The following FAM241A variants were observed in gnomAD, a reference collection of about 807,000 sequenced individuals.
FAM241A encodes uncharacterized protein FAM241A.
Under a neutral mutation model 12.2 loss-of-function variants are expected in FAM241A, and 7 were observed. The observed-to-expected ratio is 0.58, with a 90% confidence interval of 0.33 to 1.08. The LOEUF (loss-of-function observed/expected upper bound fraction) is 1.08. FAM241A is among the 50% of genes least tolerant of loss of function. The pLI is 0.04. For missense variants in FAM241A, 161 were observed against 169.7 expected, an observed-to-expected ratio of 0.95 and a Z score of 0.29; for synonymous variants, 74 against 68.2, an observed-to-expected ratio of 1.08 and a Z score of -0.42.
intron 1 of FAM241A, among the ~76,000 whole-genome samples, chr4:112,165,568 C>A (rs1159284626): frequency 6.6e-6 from 1 of 152,174 alleles, no homozygotes; most frequent in Non-Finnish European, 1.5e-5. Flanking sequence ...GAGTACTATT[C>A]AGCCGTTAAA....
At chr4:112,171,181 T>A in intron 1 of FAM241A, 2 of 579,600 alleles carry the variant, frequency 3.5e-6, no homozygotes, top group Non-Finnish European at 6.3e-6. Context: ...TTATTATTTT[T>A]ACTTTCTTTC....
intron 1 of FAM241A, chr4:112,171,396 T>G (rs1297798668): frequency 1.3e-6 from 1 of 767,874 alleles, no homozygotes; most frequent in African/African-American, 1.7e-5. Context: ...GAAATAAAAC[T>G]ACAAAGATGA....
chr4:112,147,508 T>A (rs914715794), intron 1 of FAM241A, among the ~76,000 whole-genome samples: 1 of 152,216 alleles, frequency 6.6e-6, no homozygotes, highest in Non-Finnish European at 1.5e-5. Context: ...AAAACGTTTC[T>A]TGGTAATGTT....
intron 1 of FAM241A, among the ~76,000 whole-genome samples, chr4:112,173,755 G>A (rs1436291274): frequency 6.6e-6 from 1 of 152,080 alleles, no homozygotes; most frequent in Non-Finnish European, 1.5e-5. Flanking sequence ...CAGAGAACTA[G>A]CTACCTACCA....
At chr4:112,176,472 A>T (rs1423528859) in intron 1 of FAM241A, among the ~76,000 whole-genome samples, 1 of 152,232 alleles carries the variant, frequency 6.6e-6, no homozygotes, top group Non-Finnish European at 1.5e-5. Context: ...CACACAGCTG[A>T]TACATGACGG....
At chr4:112,156,522 A>G (rs1278972630) in intron 1 of FAM241A, among the ~76,000 whole-genome samples, 1 of 152,222 alleles carries the variant, frequency 6.6e-6, no homozygotes, top group African/African-American at 2.4e-5. Flanking sequence ...ATTACATTAT[A>G]TGGCAAATGT....
In FAM241A at chr4:112,186,635, G is replaced by T; in HGVS notation, c.154-58G>T. 3.3e-6 allele frequency: 5 copies of T among 1,504,196 alleles called. No homozygotes were observed. The South Asian group carries it at 6.3e-5, about 19-fold the overall frequency. The allele number at this position is 1,504,196 out of a possible 1,614,324, so 93.2% of individuals were successfully genotyped here. A position where few individuals can be genotyped will look rare whatever the true frequency, so the allele number is the denominator to read the frequency against. On this transcript the variant is annotated intron_variant, in intron 1 of 1. Transcript: ENST00000309733. ...AAGATGAAGAACTAAGGTTCTTAAA[G>T]ACGTTTACATATTTCTCATGTTATG... is the stretch of plus-strand genomic sequence containing the variant.
rs560122660 is a variant in FAM241A, at chr4:112,150,419, A to G, written c.153+4686A>G. On this transcript the variant is annotated intron_variant, in intron 1 of 1. Transcript: ENST00000309733. ...TACTAGTAGCTCTTAGACTTGATTC[A>G]TTTGCATCTTCTAGGTATATAATTA... is the stretch of plus-strand genomic sequence containing the variant. Among the ~76,000 whole-genome samples, 12 of 152,304 alleles carry G rather than the reference A, an allele frequency of 7.9e-5. No homozygotes were observed. The South Asian group carries it at 2.5e-3, about 32-fold the overall frequency.
In FAM241A at chr4:112,156,259, T is replaced by C. The variant is rs115962322; in HGVS notation, c.153+10526T>C. On this transcript the variant is annotated intron_variant, in intron 1 of 1. Coordinates refer to ENST00000309733, the MANE Select transcript of FAM241A (RefSeq NM_152400.3). ...ATCTCAGGTCATTTGCCTGGAACTC[T>C]TCCCCCAGATCTTCCCTTGGCAGAG... is the stretch of plus-strand genomic sequence containing the variant. 9.9e-3 allele frequency among the ~76,000 whole-genome samples: 1,511 copies of C among 152,240 alleles called. 12 individuals are homozygous for C. Among genetic ancestry groups the C allele is most frequent in the Non-Finnish European group, 0.016 (1,101 of 67,998 alleles).
intron 1 of FAM241A, among the ~76,000 whole-genome samples, chr4:112,164,377 C>T (rs994691611): frequency 5.3e-5 from 8 of 151,536 alleles, no homozygotes; most frequent in African/African-American, 1.5e-4. Flanking sequence ...CATGTTCTCA[C>T]TCATAGGTGG....
rs1450942619 is a variant in FAM241A at position 112,189,390 on chromosome 4, A to G, written c.*2452A>G. On this transcript the variant is annotated 3_prime_UTR_variant, in exon 2 of 2. Transcript: ENST00000309733. ...CATCTCAAAAAAAAAAAAAAAAAAA[A>G]AAAAATTGGATTGAAAATGATTCTC... 1 of 151,724 alleles carries G rather than the reference A, an allele frequency of 6.6e-6. No homozygotes were observed. The highest frequency in any genetic ancestry group is 1.5e-5 in the Non-Finnish European group (1 of 67,952). 9.4% of individuals were successfully genotyped at this position (151,724 alleles called of 1,614,324 possible). A position where few individuals can be genotyped will look rare whatever the true frequency, so the allele number is the denominator to read the frequency against.
rs1037430009 is a variant in FAM241A, at chr4:112,190,305, T to G, written c.*3367T>G. 1 of 152,164 alleles carries G rather than the reference T, an allele frequency of 6.6e-6. No individual in the cohort carries two copies. Among genetic ancestry groups the G allele is most frequent in the African/African-American group, 2.4e-5 (1 of 41,450 alleles). The allele number at this position is 152,164 out of a possible 1,614,324, so 9.4% of individuals were successfully genotyped here. A position where few individuals can be genotyped will look rare whatever the true frequency, so the allele number is the denominator to read the frequency against. ...GTTCATAGATTGTTTTAATAGTTATTTTACAAATGTTTATTAATTTCAGGT... is the reference window on the plus strand; with the variant it reads ...GTTCATAGATTGTTTTAATAGTTATGTTACAAATGTTTATTAATTTCAGGT... On this transcript the variant is annotated 3_prime_UTR_variant, in exon 2 of 2. Transcript: ENST00000309733.
chr4:112,160,907 A>G (rs1344929364), intron 1 of FAM241A, among the ~76,000 whole-genome samples: 1 of 152,224 alleles, frequency 6.6e-6, no homozygotes, highest in African/African-American at 2.4e-5. Context: ...CAAAAATCAA[A>G]TCAAAATGAA....
chr4:112,186,315 CAAT>C (rs1481356423), intron 1 of FAM241A, among the ~76,000 whole-genome samples: 1 of 152,094 alleles, frequency 6.6e-6, no homozygotes, highest in East Asian at 1.9e-4. Context: ...GAGGATTGCT[CAAT>C]AATAACAGCA....
rs199819138 is a variant in FAM241A, at chr4:112,195,184, T to C, written c.*8246T>C. The C allele has an allele frequency of 2.6e-5, 4 of 152,372 alleles. No individual in the cohort carries two copies. In the South Asian group the frequency reaches 6.2e-4, roughly 24 times the overall value. The allele number at this position is 152,372 out of a possible 1,614,324, so 9.4% of individuals were successfully genotyped here. ...GAAATCCACTATTACAGTGTCCTAG[T>C]AGCCCAGACATATGTGTTAAATGAC... On this transcript the variant is annotated 3_prime_UTR_variant, in exon 2 of 2. Transcript: ENST00000309733.
intron 1 of FAM241A, among the ~76,000 whole-genome samples, chr4:112,184,252 G>A (rs984456243): frequency 8.5e-5 from 13 of 152,212 alleles, no homozygotes; most frequent in Admixed American, 2.6e-4. Context: ...AAAATAGGCC[G>A]GGCACAGTGG....
chr4:112,193,599 T>C lies in FAM241A; in HGVS notation c.*6661T>C, dbSNP rs1216585756. ...AGTTTTCCCAGCACCATTTATTCAA[T>C]AGGGAATCCTTTCCCCATTGCTTGT... On this transcript the variant is annotated 3_prime_UTR_variant, in exon 2 of 2. Coordinates refer to ENST00000309733, the MANE Select transcript of FAM241A (RefSeq NM_152400.3). 6.6e-6 allele frequency: 1 copy of C among 152,250 alleles called. No individual in the cohort carries two copies. Among genetic ancestry groups the C allele is most frequent in the Non-Finnish European group, 1.5e-5 (1 of 68,038 alleles). The allele number at this position is 152,250 out of a possible 1,614,324, so 9.4% of individuals were successfully genotyped here. A position where few individuals can be genotyped will look rare whatever the true frequency, so the allele number is the denominator to read the frequency against.
At chr4:112,175,630 T>C (rs1185528007) in intron 1 of FAM241A, among the ~76,000 whole-genome samples, 1 of 151,858 alleles carries the variant, frequency 6.6e-6, no homozygotes, top group Non-Finnish European at 1.5e-5. Context: ...TAGCTAGGTG[T>C]GGTGGCAGGT....
rs184465670 is a variant in FAM241A, at chr4:112,154,890, C to T, written c.153+9157C>T. On this transcript the variant is annotated intron_variant, in intron 1 of 1. Coordinates refer to ENST00000309733, the MANE Select transcript of FAM241A (RefSeq NM_152400.3). ...TCTCCAAAAAGATACAAAAATCAGC[C>T]GGGTATGGTGGGGAATACCTGTAAT... Among the ~76,000 whole-genome samples, 406 of 152,030 alleles carry T rather than the reference C, an allele frequency of 2.7e-3. 1 individual carries two copies. The highest frequency in any genetic ancestry group is 4.1e-3 in the Non-Finnish European group (282 of 67,970).
Sources: gnomAD v4.1 joint callset for allele counts (sites outside exome capture counted in the v4.1 genomes callset) on GRCh38, gnomAD v4.1.1 for gene constraint, MANE v1.5 for transcripts, NCBI Gene and HGNC (gene_info 2026-07-23, HGNC 2026-07-21) for gene names.